PPFIBP2: variants seen among roughly 807,000 people sequenced by gnomAD.
PPFIBP2 encodes liprin-beta-2.
A neutral mutation model predicts 118.3 loss-of-function variants in PPFIBP2; 118 were observed. That is an observed-to-expected ratio of 1.00 (90% CI 0.86 to 1.16). The LOEUF (loss-of-function observed/expected upper bound fraction) is 1.16, where lower values mean the gene tolerates loss of function less well. Among genes scored for constraint, PPFIBP2 ranks in the 50% most tolerant of loss-of-function variants. The probability of loss-of-function intolerance (pLI) is 0.00; values close to 1 mark genes in which losing one functional copy is unlikely to be tolerated. For missense variants in PPFIBP2, 1,195 were observed against 1,073.1 expected, an observed-to-expected ratio of 1.11 and a Z score of -1.59; for synonymous variants, 414 against 397.4, an observed-to-expected ratio of 1.04 and a Z score of -0.50.
chr11:7,619,775 T>A (rs986902345), intron 6 of PPFIBP2, among the ~76,000 whole-genome samples: 1 of 152,206 alleles, frequency 6.6e-6, no homozygotes, highest in South Asian at 2.1e-4. Flanking sequence ...TGTTTCTGGA[T>A]AGGCCGTTAG....
chr11:7,585,240 T>C (rs956939425), intron 3 of PPFIBP2, among the ~76,000 whole-genome samples: 4 of 152,048 alleles, frequency 2.6e-5, no homozygotes, highest in African/African-American at 9.7e-5. Context: ...ACTATTGATA[T>C]CAAAAAAAGG....
At position 7,536,946 on chromosome 11, in the gene PPFIBP2, T is replaced by C. The variant is rs76550930; in HGVS notation, c.-36-12494T>C. Among the ~76,000 whole-genome samples, 36 of 152,012 alleles carry C rather than the reference T, an allele frequency of 2.4e-4. No homozygotes were observed. The East Asian group carries it at 6.4e-3, about 27-fold the overall frequency. On this transcript the variant is annotated intron_variant, in intron 1 of 23. Transcript: ENST00000299492. Reference sequence around the variant, plus strand: ...CAAGGAAGTGTGGGAAGGGAGGGAATAGGTGGGGACCTGAAGTGGGCAGGT... The same window carrying C: ...CAAGGAAGTGTGGGAAGGGAGGGAACAGGTGGGGACCTGAAGTGGGCAGGT...
intron 5 of PPFIBP2, chr11:7,597,875 G>T (rs1860664796): frequency 7.4e-6 from 4 of 543,254 alleles, no homozygotes; most frequent in Admixed American, 6.2e-5. Flanking sequence ...GGGAAGGGAA[G>T]GGCTGCCCTG....
At position 7,608,644 on chromosome 11, in the gene PPFIBP2, AAAACAAACAAAC is replaced by A. The variant is rs71470486; in HGVS notation, c.487-1635_487-1624del. Among the ~76,000 whole-genome samples the A allele has an allele frequency of 2.6e-5, 4 of 152,234 alleles. No individual in the cohort carries two copies. The East Asian group carries it at 7.7e-4, about 29-fold the overall frequency. ...AAAAAGAGCGAAACGCTGTCTCAAA[AAAACAAACAAAC>A]AAACAAACAAAAATAACTCTGCTGC... On this transcript the variant is annotated intron_variant, in intron 5 of 23. Coordinates refer to ENST00000299492, the MANE Select transcript of PPFIBP2 (RefSeq NM_003621.5).
At chr11:7,631,911 G>A (rs1419562319) in intron 11 of PPFIBP2, among the ~76,000 whole-genome samples, 2 of 152,192 alleles carry the variant, frequency 1.3e-5, no homozygotes, top group East Asian at 3.9e-4. Context: ...CAATGCCCAG[G>A]TATTTAAAAC....
At chr11:7,666,038 G>A in the PPFIBP2 span, 2 of 827,506 alleles carry the variant, frequency 2.4e-6, no homozygotes, top group Admixed American at 2.1e-5. Flanking sequence ...GGCTGCAGCA[G>A]CTGTCTGGGG....
At chr11:7,550,615 C>T (rs866527728) in intron 2 of PPFIBP2, among the ~76,000 whole-genome samples, 5 of 152,202 alleles carry the variant, frequency 3.3e-5, no homozygotes, top group African/African-American at 9.7e-5. Flanking sequence ...TCCTGCTTTT[C>T]AGAGAATCCA....
intron 1 of PPFIBP2, among the ~76,000 whole-genome samples, chr11:7,531,653 C>T (rs1328394775): frequency 2.6e-5 from 4 of 152,002 alleles, no homozygotes; most frequent in Non-Finnish European, 5.9e-5. Flanking sequence ...TTCCCAGCTG[C>T]GTGTGTAGGA....
At chr11:7,665,551 A>G in the PPFIBP2 span, 1 of 1,597,202 alleles carries the variant, frequency 6.3e-7, no homozygotes, top group Non-Finnish European at 8.5e-7. Flanking sequence ...TCCAGCCTGA[A>G]ATGAAGGAGA....
At position 7,565,743 on chromosome 11, in the gene PPFIBP2, AAAGG is replaced by A; in HGVS notation, c.258_261del (p.Lys86AsnfsTer10). ...TCCCTGGCCCAACAGCTGCCTACAT[AAAGG>A]AATGGTTTGAAGAGAGCTTGGTGAG... On this transcript the variant is annotated frameshift_variant, in exon 3 of 24. Transcript: ENST00000299492. LOFTEE classifies it high-confidence loss of function. The A allele has an allele frequency of 6.2e-7, 1 of 1,614,144 alleles. No individual in the cohort carries two copies. Among genetic ancestry groups the A allele is most frequent in the South Asian group, 1.1e-5 (1 of 91,074 alleles).
chr11:7,627,876 A>G (rs1292736415), intron 8 of PPFIBP2, among the ~76,000 whole-genome samples: 1 of 152,164 alleles, frequency 6.6e-6, no homozygotes, highest in African/African-American at 2.4e-5. Flanking sequence ...TAAATGTTAA[A>G]TTCTCCTCTT....
chr11:7,605,735 CAG>C (rs1402231369), intron 5 of PPFIBP2: 30 of 1,345,788 alleles, frequency 2.2e-5, no homozygotes, highest in Non-Finnish European at 2.8e-5. Flanking sequence ...CTAGTGGCCG[CAG>C]AAGAAATTAG....
intron 1 of PPFIBP2, among the ~76,000 whole-genome samples, chr11:7,544,670 AG>A: frequency 6.8e-6 from 1 of 146,622 alleles, no homozygotes; most frequent in East Asian, 2.2e-4. Context: ...GCTACTCGGG[AG>A]GCTGAGTGAG....
chr11:7,633,680 G>A (rs1033039207), intron 12 of PPFIBP2, among the ~76,000 whole-genome samples: 3 of 152,160 alleles, frequency 2.0e-5, no homozygotes, highest in African/African-American at 7.2e-5. Context: ...TTGTTCCCTT[G>A]AGCCTTTAGC....
At chr11:7,637,139 C>G (rs1851555521) in intron 14 of PPFIBP2, among the ~76,000 whole-genome samples, 1 of 152,228 alleles carries the variant, frequency 6.6e-6, no homozygotes. Context: ...TCTGAGTGCT[C>G]TGTTCTCTGG....
At chr11:7,592,613 C>A (rs1334086855) in intron 3 of PPFIBP2, among the ~76,000 whole-genome samples, 1 of 152,182 alleles carries the variant, frequency 6.6e-6, no homozygotes, top group Admixed American at 6.5e-5. Flanking sequence ...CATCCTCCAT[C>A]CTTCATGCTC....
intron 3 of PPFIBP2, among the ~76,000 whole-genome samples, chr11:7,585,058 G>A (rs1190309706): frequency 2.0e-5 from 3 of 152,176 alleles, no homozygotes; most frequent in Non-Finnish European, 4.4e-5. Flanking sequence ...TACCCAACGT[G>A]CTGTGTTCAA....
rs185254668 is a variant in PPFIBP2, at chr11:7,610,656, C to T, written c.618+234C>T. ...TAAGGCTTTATCTGCCCTCAAACTG[C>T]TGACAAGGATGGAAAGAGAAGCAAT... On this transcript the variant is annotated intron_variant, in intron 6 of 23. Transcript: ENST00000299492. 11 of 429,506 alleles carry T rather than the reference C, an allele frequency of 2.6e-5. No individual in the cohort carries two copies. In the Admixed American group the frequency reaches 4.0e-4, roughly 16 times the overall value. 26.6% of individuals were successfully genotyped at this position (429,506 alleles called of 1,614,324 possible). A position where few individuals can be genotyped will look rare whatever the true frequency, so the allele number is the denominator to read the frequency against.
intron 2 of PPFIBP2, among the ~76,000 whole-genome samples, chr11:7,560,955 C>G (rs1214643003): frequency 4.6e-5 from 7 of 152,216 alleles, no homozygotes; most frequent in Admixed American, 2.6e-4. Context: ...ATATAAGAAC[C>G]TTGTGCCTAT....
Sources: gnomAD v4.1 joint callset for allele counts (sites outside exome capture counted in the v4.1 genomes callset) on GRCh38, gnomAD v4.1.1 for gene constraint, MANE v1.5 for transcripts, NCBI Gene and HGNC (gene_info 2026-07-23, HGNC 2026-07-21) for gene names.